Variants in GUSB observed in about 807,000 individuals in gnomAD.
GUSB encodes beta-glucuronidase.
A neutral mutation model predicts 74.6 loss-of-function variants in GUSB; 51 were observed. The observed-to-expected ratio is 0.68, with a 90% CI of 0.55 to 0.86. GUSB has a LOEUF of 0.86. Among genes scored for constraint, GUSB ranks in the 40% least tolerant of loss-of-function variants. The probability of loss-of-function intolerance (pLI) is 0.00; values close to 1 mark genes in which losing one functional copy is unlikely to be tolerated. For missense variants in GUSB, 736 were observed against 853.7 expected, an observed-to-expected ratio of 0.86 and a Z score of 1.72; for synonymous variants, 360 against 348.3, an observed-to-expected ratio of 1.03 and a Z score of -0.37.
chr7:65,977,870 A>G (rs141018786), intron 4 of GUSB, among the ~76,000 whole-genome samples: 11 of 152,024 alleles, frequency 7.2e-5, no homozygotes, highest in Admixed American at 1.3e-4. Flanking sequence ...GAGTGCAGTG[A>G]TGCAATCTCA....
chr7:65,977,726 G>A (rs979806583), intron 4 of GUSB, among the ~76,000 whole-genome samples: 14 of 151,268 alleles, frequency 9.3e-5, no homozygotes, highest in Admixed American at 2.0e-4. Flanking sequence ...GCCCCACAAC[G>A]GCTGTCAATA....
In GUSB at chr7:65,974,557, C is replaced by T. The variant is rs200149500; in HGVS notation, c.1213G>A (p.Asp405Asn). ...MCDRYGIVVI[D>N]ECPGVGLALP... ...GCCAGGCCCACGCCGGGACACTCAT[C>T]GATGACCACAATCCCATAGCGGTCA... Residue 405 changes from aspartate (D) to asparagine (N), a missense_variant, in exon 7 of 12, where the codon GAT becomes AAT. Physicochemically the swap from Asp to Asn is conservative, Grantham distance 23. This residue lies in a region of GUSB where 368 missense variants were observed against 489.9 expected (regional missense o/e 0.75). Transcript: ENST00000304895. 92 of 1,614,072 alleles carry T rather than the reference C, an allele frequency of 5.7e-5. No individual in the cohort carries two copies. In the East Asian group the frequency reaches 7.8e-4, roughly 14 times the overall value.
At chr7:65,981,899 C>T in intron 1 of GUSB, 75 bp downstream of exon 1, 1 of 1,318,188 alleles carries the variant, frequency 7.6e-7, no homozygotes, top group South Asian at 1.3e-5. Flanking sequence ...GGGAAGAAGT[C>T]TGCGGGGGGC....
At position 65,982,176 on chromosome 7, in the gene GUSB, C is replaced by G. The variant is rs765390811; in HGVS notation, c.8G>C (p.Arg3Pro). ...CGCCGCCCAGGCAACCGCCGACCCC[C>G]GGGCCATGCTTCCCGGTCCCCCGCT... Reference protein sequence around the residue: MARGSAVAWAALG... With the variant: MAPGSAVAWAALG... Residue 3 changes from arginine (R) to proline (P), a missense_variant, in exon 1 of 12, where the codon CGG becomes CCG. By Grantham distance (103) the Arg-to-Pro change is moderately radical. Around this residue, in one of 2 missense-constraint regions of GUSB, gnomAD observed 368 missense variants for 363.8 expected, o/e 1.01. Coordinates refer to ENST00000304895, the MANE Select transcript of GUSB (RefSeq NM_000181.4). The G allele has an allele frequency of 1.3e-6, 2 of 1,513,152 alleles. No individual in the cohort carries two copies. Among genetic ancestry groups the G allele is most frequent in the East Asian group, 2.6e-5 (1 of 38,462 alleles). 93.7% of individuals were successfully genotyped at this position (1,513,152 alleles called of 1,614,324 possible).
intron 1 of GUSB, 141 bp from the exon 2 acceptor site, chr7:65,980,550 G>T: frequency 2.5e-6 from 2 of 789,488 alleles, no homozygotes; most frequent in Non-Finnish European, 2.1e-6. Flanking sequence ...ATAACTTGCT[G>T]ATGACAGGTC....
At position 65,982,074 on chromosome 7, in the gene GUSB, T is replaced by C; in HGVS notation, c.110A>G (p.Glu37Gly). 6.2e-7 allele frequency: 1 copy of C among 1,608,006 alleles called. No individual in the cohort carries two copies. The highest frequency in any genetic ancestry group is 8.5e-7 in the Non-Finnish European group (1 of 1,178,062). The change falls in exon 1 of 12, where the codon GAG (glutamate) becomes GGG (glycine). Residue 37 changes from glutamate (E) to glycine (G), a missense_variant. Physicochemically the swap from Glu to Gly is moderately conservative, Grantham distance 98. Coordinates refer to ENST00000304895, the MANE Select transcript of GUSB (RefSeq NM_000181.4). ...MLYPQESPSRECKELDGLWSF... is the reference protein window; with the variant it reads ...MLYPQESPSRGCKELDGLWSF... Reference sequence around the variant, plus strand: ...CCAGAGGCCGTCCAGCTCCTTGCACTCCCGCGACGGGCTCTCCTGGGGGTA... The same window carrying C: ...CCAGAGGCCGTCCAGCTCCTTGCACCCCCGCGACGGGCTCTCCTGGGGGTA...
chr7:65,972,377 C>T (rs544261881), intron 8 of GUSB, among the ~76,000 whole-genome samples: 5 of 152,206 alleles, frequency 3.3e-5, no homozygotes, highest in East Asian at 1.9e-4. Flanking sequence ...TTGGCCACGC[C>T]GGTCTCAAAC....
chr7:65,981,083 C>G (rs547130670), intron 1 of GUSB, among the ~76,000 whole-genome samples: 1 of 152,242 alleles, frequency 6.6e-6, no homozygotes, highest in East Asian at 1.9e-4. Context: ...CAGTGCATGC[C>G]GCTGTGGCCA....
At chr7:65,961,320 G>A (rs1003867502) in intron 11 of GUSB, among the ~76,000 whole-genome samples, 6 of 151,936 alleles carry the variant, frequency 3.9e-5, no homozygotes, top group Non-Finnish European at 8.8e-5. Context: ...TTTTAGTAAA[G>A]ACAAGGTCTC....
chr7:65,978,729 G>A (rs1029600703), intron 4 of GUSB, among the ~76,000 whole-genome samples: 6 of 151,168 alleles, frequency 4.0e-5, no homozygotes, highest in Admixed American at 2.0e-4. Context: ...CCAAGATCAC[G>A]CCATCGCACT....
intron 11 of GUSB, chr7:65,964,090 T>A (rs183816559): frequency 2.0e-4 from 110 of 558,382 alleles, no homozygotes; most frequent in Non-Finnish European, 1.6e-5. Flanking sequence ...TCACTATAGC[T>A]GACTCTCCTG....
Position 65,979,700 on chromosome 7 carries a change from G to C in GUSB, c.581+27C>G, listed in dbSNP as rs1047796065. 1.9e-6 allele frequency: 3 copies of C among 1,608,480 alleles called. No homozygotes were observed. In the African/African-American group the frequency reaches 4.0e-5, roughly 21 times the overall value. On this transcript the variant is annotated intron_variant, in intron 3 of 11. Transcript: ENST00000304895. ...CAGGGTGGGGCGGGAAGGTGGGTGTGTGCAATGGAGGCAGGATGGTACCCA... is the reference window on the plus strand; with the variant it reads ...CAGGGTGGGGCGGGAAGGTGGGTGTCTGCAATGGAGGCAGGATGGTACCCA...
intron 10 of GUSB, among the ~76,000 whole-genome samples, chr7:65,967,448 T>C (rs967447471): frequency 2.6e-5 from 4 of 152,006 alleles, no homozygotes; most frequent in Non-Finnish European, 5.9e-5. Flanking sequence ...AGAGATCCGG[T>C]CTCAAAAACA....
intron 9 of GUSB, among the ~76,000 whole-genome samples, 171 bp from the exon 10 acceptor site, chr7:65,968,078 T>G (rs371228152): frequency 1.3e-5 from 2 of 151,510 alleles, no homozygotes; most frequent in Non-Finnish European, 2.9e-5. Flanking sequence ...ACAGCAAGAC[T>G]GCAGCATTAC....
At position 65,960,874 on chromosome 7, in the gene GUSB, C is replaced by T. The variant is rs751073317; in HGVS notation, c.*23G>A. ...TCGCCCTGACTCGGGGAGGAAGGGA[C>T]ACGCAGGTGGTATCAGTCTTGCTCA... On this transcript the variant is annotated 3_prime_UTR_variant, in exon 12 of 12. Transcript: ENST00000304895. 6.2e-7 allele frequency: 1 copy of T among 1,608,472 alleles called. No individual in the cohort carries two copies. The highest frequency in any genetic ancestry group is 8.5e-7 in the Non-Finnish European group (1 of 1,174,946).
Position 65,976,067 on chromosome 7 carries a change from A to G in GUSB, c.860T>C (p.Leu287Pro), listed in dbSNP as rs1791551673. 2 of 1,613,818 alleles carry G rather than the reference A, an allele frequency of 1.2e-6. No individual in the cohort carries two copies. Among genetic ancestry groups the G allele is most frequent in the Non-Finnish European group, 1.7e-6 (2 of 1,180,018 alleles). Residue 287 changes from leucine to proline, a missense_variant, in exon 5 of 12, where the codon CTC (leucine) becomes CCC (proline). Leu to Pro is a moderately conservative substitution (Grantham distance 98). Around this residue, in one of 2 missense-constraint regions of GUSB, gnomAD observed 368 missense variants for 489.9 expected, o/e 0.75. Coordinates refer to ENST00000304895, the MANE Select transcript of GUSB (RefSeq NM_000181.4). ...QGQLKVPGVS[L>P]WWPYLMHERP... The stretch of plus-strand genomic sequence containing the variant: ...TTCGTGCATCAGGTACGGCCACCAG[A>G]GGCTGACACCTGGCACCTTAAGTTG...
chr7:65,979,356 C>G (rs1347972225), intron 4 of GUSB, 43 bp downstream of exon 4: 1 of 1,565,072 alleles, frequency 6.4e-7, no homozygotes, highest in Non-Finnish European at 8.7e-7. Context: ...ACAAACAGAG[C>G]CACCCTGGGC....
chr7:65,981,616 A>C (rs563872660), intron 1 of GUSB, among the ~76,000 whole-genome samples: 1 of 151,992 alleles, frequency 6.6e-6, no homozygotes, highest in Non-Finnish European at 1.5e-5. Context: ...GCTTGAGCTC[A>C]GAAGTTAGGC....
chr7:65,961,014 T>C lies in GUSB; in HGVS notation c.1839A>G (p.Arg613=), dbSNP rs1304220102. Reference sequence around the variant, plus strand: ...AAAGGAACGCTGCACTTTTTGGTTGTCTCTGCCGAGTGAAGATCCCCTTTT... The same window carrying C: ...AAAGGAACGCTGCACTTTTTGGTTGCCTCTGCCGAGTGAAGATCCCCTTTT... ...GNKKGIFTRQ[R]QPKSAAFLLR... is the part of the protein sequence containing the mutation. Residue 613 remains arginine, a synonymous_variant, in exon 12 of 12, where the codon AGA becomes AGG. Transcript: ENST00000304895. 1 of 1,613,480 alleles carries C rather than the reference T, an allele frequency of 6.2e-7. No homozygotes were observed. The highest frequency in any genetic ancestry group is 2.2e-5 in the East Asian group (1 of 44,856).
Sources: gnomAD v4.1 joint callset for allele counts (sites outside exome capture counted in the v4.1 genomes callset) on GRCh38, gnomAD v4.1.1 for gene constraint, gnomAD v4.1.1 regional missense constraint, MANE v1.5 for transcripts, NCBI Gene and HGNC (gene_info 2026-07-23, HGNC 2026-07-21) for gene names.